The following UROC1 variants were observed in gnomAD, a reference collection of about 807,000 sequenced individuals.
The protein encoded by UROC1 is urocanate hydratase 1, also known as urocanate hydratase.
A neutral mutation model predicts 89.5 loss-of-function variants in UROC1; 79 were observed. The observed-to-expected ratio is 0.88, with a 90% CI of 0.74 to 1.06. UROC1 has a LOEUF of 1.06. UROC1 is among the 50% of genes least tolerant of loss of function. UROC1 has a pLI of 0.00. For synonymous variants in UROC1, 361 were observed against 354.8 expected, an observed-to-expected ratio of 1.02 and a Z score of -0.20; for missense variants, 885 against 907.8, an observed-to-expected ratio of 0.97 and a Z score of 0.32.
At chr3:126,489,859 T>C (rs761069628) in intron 16 of UROC1, among the ~76,000 whole-genome samples, 7 of 152,208 alleles carry the variant, frequency 4.6e-5, no homozygotes, top group Non-Finnish European at 7.3e-5. Flanking sequence ...CGCAACCCCA[T>C]TGTATGTCGA....
chr3:126,499,685 C>T (rs1295103861), intron 12 of UROC1, among the ~76,000 whole-genome samples: 1 of 152,240 alleles, frequency 6.6e-6, no homozygotes, highest in African/African-American at 2.4e-5. Context: ...GGGGGCTTCC[C>T]ACTGCGGACA....
intron 1 of UROC1, among the ~76,000 whole-genome samples, chr3:126,512,961 C>T (rs1480810403): frequency 1.3e-5 from 2 of 152,194 alleles, no homozygotes; most frequent in African/African-American, 4.8e-5. Context: ...TTGTTTTAAG[C>T]CACTACACTT....
intron 9 of UROC1, among the ~76,000 whole-genome samples, chr3:126,503,206 T>C (rs1935977962): frequency 6.6e-6 from 1 of 152,228 alleles, no homozygotes; most frequent in Non-Finnish European, 1.5e-5. Flanking sequence ...TGGATTGGTA[T>C]GTTAGAATGA....
At position 126,510,683 on chromosome 3, in the gene UROC1, A is replaced by G. The variant is rs779449130; in HGVS notation, c.238T>C (p.Cys80Arg). The change falls in exon 2 of 20, where the codon TGC becomes CGC. Residue 80 changes from cysteine (C) to arginine (R), a missense_variant. Cys to Arg is a radical substitution (Grantham distance 180, BLOSUM62 -3). Transcript: ENST00000290868. ...LYGHIYMYRFCPDIEMRAYPI... is the reference protein window; with the variant it reads ...LYGHIYMYRFRPDIEMRAYPI... ...GCTGACCTCATTTCAATGTCGGGGC[A>G]AAACCGGTACATGTAGATGTGTCCG... 1.2e-6 allele frequency: 2 copies of G among 1,614,006 alleles called. No homozygotes were observed. The highest frequency in any genetic ancestry group is 4.5e-5 in the East Asian group (2 of 44,888).
chr3:126,497,533 G>A (rs570565867), intron 14 of UROC1, among the ~76,000 whole-genome samples: 10 of 152,234 alleles, frequency 6.6e-5, no homozygotes, highest in Admixed American at 1.3e-4. Flanking sequence ...GCTGGCGGGA[G>A]CATGTGGAGA....
intron 18 of UROC1, among the ~76,000 whole-genome samples, chr3:126,484,154 A>G (rs1935458096): frequency 6.6e-6 from 1 of 151,946 alleles, no homozygotes; most frequent in Non-Finnish European, 1.5e-5. Flanking sequence ...TAATTAATGC[A>G]TTTCTCTCCT....
rs200612701 is a variant in UROC1, at chr3:126,500,148, C to T, written c.1152G>A (p.Arg384=). Residue 384 remains arginine (R), a synonymous_variant, in exon 12 of 20, where the codon AGG becomes AGA. Coordinates refer to ENST00000290868, the MANE Select transcript of UROC1 (RefSeq NM_144639.3). ...ACCTGTTGATGGCTGAGACTTGCCT[C>T]CTCAGGCTGCAACAAGCCATGGGTC... ...VFKDLVQESL[R]RQVSAINRLA... 4 of 1,613,698 alleles carry T rather than the reference C, an allele frequency of 2.5e-6. No homozygotes were observed. Among genetic ancestry groups the T allele is most frequent in the South Asian group, 1.1e-5 (1 of 91,090 alleles).
intron 16 of UROC1, 28 bp downstream of exon 16, chr3:126,492,390 G>A (rs1364767437): frequency 1.2e-6 from 2 of 1,600,744 alleles, no homozygotes; most frequent in South Asian, 2.2e-5. Flanking sequence ...GCTGAGGGAT[G>A]CTTCCCCCAG....
chr3:126,499,474 C>G, intron 12 of UROC1, 65 bp from the exon 13 acceptor site: 1 of 1,496,952 alleles, frequency 6.7e-7, no homozygotes, highest in Non-Finnish European at 9.2e-7. Flanking sequence ...TAGATGGCAA[C>G]TTAAACACAG....
chr3:126,489,276 C>T lies in UROC1; in HGVS notation c.1708G>A (p.Asp570Asn), dbSNP rs766927498. 2 of 1,612,392 alleles carry T rather than the reference C, an allele frequency of 1.2e-6. No homozygotes were observed. Among genetic ancestry groups the T allele is most frequent in the Non-Finnish European group, 1.7e-6 (2 of 1,178,678 alleles). The change falls in exon 17 of 20, where the codon GAC (aspartate) becomes AAC (asparagine). Residue 570 changes from aspartate (D) to asparagine (N), a missense_variant and splice_region_variant. Transcript: ENST00000290868. Reference protein sequence around the residue: ...NIYDGSAFCADMAVQNFVGDA... With the variant: ...NIYDGSAFCANMAVQNFVGDA... The stretch of plus-strand genomic sequence containing the variant: ...TTTAAGACATTCTCATCTTCCTCAC[C>T]TGCACAGAAGGCAGAGCCGTCGTAA...
At position 126,498,124 on chromosome 3, in the gene UROC1, C is replaced by A; in HGVS notation, c.1365G>T (p.Ser455=). The A allele has an allele frequency of 6.2e-7, 1 of 1,614,158 alleles. No homozygotes were observed. The highest frequency in any genetic ancestry group is 8.5e-7 in the Non-Finnish European group (1 of 1,180,016). ...GFGPFRWVCT[S]GDPQDLAVTD... is the part of the protein sequence containing the mutation. Reference sequence around the variant, plus strand: ...TGACCGCCAGGTCCTGGGGGTCCCCCGATGTGCACACCCAGCGGAAAGGCC... The same window carrying A: ...TGACCGCCAGGTCCTGGGGGTCCCCAGATGTGCACACCCAGCGGAAAGGCC... Residue 455 remains serine (S), a synonymous_variant, in exon 14 of 20, where the codon TCG becomes TCT. Transcript: ENST00000290868.
Position 126,503,819 on chromosome 3 carries a change from G to A in UROC1, c.902+176C>T, listed in dbSNP as rs552152423. Among the ~76,000 whole-genome samples, 6 of 151,812 alleles carry A rather than the reference G, an allele frequency of 4.0e-5. No individual in the cohort carries two copies. The East Asian group carries it at 7.7e-4, about 20-fold the overall frequency. On this transcript the variant is annotated intron_variant, in intron 9 of 19. Coordinates refer to ENST00000290868, the MANE Select transcript of UROC1 (RefSeq NM_144639.3). ...CACCCGCGGGTCAGCCCTTGTGTGC[G>A]TGTGTGTGTGTGTGCGCATGTATAT...
At position 126,517,641 on chromosome 3, in the gene UROC1, G is replaced by C. The variant is rs146471695; in HGVS notation, c.79C>G (p.Pro27Ala). The C allele has an allele frequency of 1.2e-6, 2 of 1,611,438 alleles. No homozygotes were observed. Among genetic ancestry groups the C allele is most frequent in the Non-Finnish European group, 1.7e-6 (2 of 1,179,432 alleles). Residue 27 changes from proline to alanine, a missense_variant, in exon 1 of 20, where the codon CCC (proline) becomes GCC (alanine). Physicochemically the swap from Pro to Ala is conservative, Grantham distance 27 (BLOSUM62 -1). Transcript: ENST00000290868. ...CTGGGGGTCCTGACAGGGGCATGGG[G>C]CACCCCAGCCTGGCGTCCCCGGTTC... ...PENRGRQAGV[P>A]HAPVRTPSLS...
chr3:126,514,865 G>A (rs1435927081), intron 1 of UROC1, among the ~76,000 whole-genome samples: 7 of 151,750 alleles, frequency 4.6e-5, no homozygotes, highest in Admixed American at 1.3e-4. Flanking sequence ...ATAAGGCCCC[G>A]GTGACTTCAG....
chr3:126,483,467 C>T lies in UROC1; in HGVS notation c.1792G>A (p.Gly598Ser). The T allele has an allele frequency of 1.9e-6, 3 of 1,613,774 alleles. No individual in the cohort carries two copies. Among genetic ancestry groups the T allele is most frequent in the Non-Finnish European group, 2.5e-6 (3 of 1,179,988 alleles). The part of the protein sequence containing the change: ...ALHNGGGVGW[G>S]EVINGGFGLV... ...CCGAATCCCCCGTTGATCACCTCAC[C>T]CCTGCAGGAGGCAGAGGAGTTTCCA... Residue 598 changes from glycine to serine, a missense_variant and splice_region_variant, in exon 19 of 20, where the codon GGT (glycine) becomes AGT (serine). Physicochemically the swap from Gly to Ser is moderately conservative, Grantham distance 56 (BLOSUM62 0). Coordinates refer to ENST00000290868, the MANE Select transcript of UROC1 (RefSeq NM_144639.3).
intron 14 of UROC1, 144 bp from the exon 15 acceptor site, chr3:126,496,252 C>G (rs975257706): frequency 2.6e-6 from 2 of 758,800 alleles, no homozygotes; most frequent in African/African-American, 3.5e-5. Flanking sequence ...CCCACCCCAC[C>G]CCTGCCTTTG....
rs370218204 is a variant in UROC1 at position 126,505,975 on chromosome 3, G to C, written c.639C>G (p.Ile213Met). The C allele has an allele frequency of 6.3e-7, 1 of 1,597,782 alleles. No homozygotes were observed. Among genetic ancestry groups the C allele is most frequent in the African/African-American group, 1.4e-5 (1 of 73,776 alleles). ...GQMTAGSYCY[I>M]GPQGIVHGTV... ...TGCCATGAACGATTCCCTGGGGACC[G>C]ATGTAGCAGTAGCTACCTGCTGTCA... The change falls in exon 7 of 20, where the codon ATC becomes ATG. Residue 213 changes from isoleucine (I) to methionine (M), a missense_variant. Coordinates refer to ENST00000290868, the MANE Select transcript of UROC1 (RefSeq NM_144639.3).
At chr3:126,482,515 G>A in intron 19 of UROC1, 30 bp from the exon 20 acceptor site, 2 of 1,613,652 alleles carry the variant, frequency 1.2e-6, no homozygotes, top group Non-Finnish European at 1.7e-6. Context: ...AGCAGTCCAT[G>A]TCAACATAAC....
At chr3:126,494,271 G>A (rs936940822) in intron 15 of UROC1, among the ~76,000 whole-genome samples, 3 of 152,174 alleles carry the variant, frequency 2.0e-5, no homozygotes, top group Non-Finnish European at 2.9e-5. Context: ...CAAAGCAGAC[G>A]CACCCTGCTT....
Sources: gnomAD v4.1 joint callset for allele counts (sites outside exome capture counted in the v4.1 genomes callset) on GRCh38, gnomAD v4.1.1 for gene constraint, MANE v1.5 for transcripts, NCBI Gene and HGNC (gene_info 2026-07-23, HGNC 2026-07-21) for gene names.